EPB41L3: variants seen among roughly 807,000 people sequenced by gnomAD.
EPB41L3 encodes the protein band 4.1-like protein 3.
In EPB41L3, 57 loss-of-function variants were observed where a neutral mutation model predicts 127.1. The ratio of observed to expected loss-of-function variants is 0.45; its 90% CI spans 0.36 to 0.56. EPB41L3 has a LOEUF of 0.56. Ranked by LOEUF, EPB41L3 falls within the 20% of genes least tolerant of loss-of-function variation. The pLI, the probability that EPB41L3 is intolerant of heterozygous loss-of-function variation, is 0.00. For synonymous variants in EPB41L3, 572 were observed against 549.5 expected (o/e 1.04, Z -0.57); for missense variants, 1,273 against 1,372.2 (o/e 0.93, Z 1.14).
chr18:5,491,904 C>A (rs74946940), intron 1 of EPB41L3, among the ~76,000 whole-genome samples: 2,126 of 152,154 alleles, frequency 0.014, 43 homozygotes, highest in African/African-American at 0.049. Flanking sequence ...ACAAATAAAC[C>A]AGTATGGATG....
At chr18:5,469,108 T>C (rs2147454239) in intron 3 of EPB41L3, among the ~76,000 whole-genome samples, 1 of 152,300 alleles carries the variant, frequency 6.6e-6, no homozygotes, top group South Asian at 2.1e-4. Context: ...ACTCAGGAAC[T>C]GCTGAAAAGC....
rs2092512912 is a variant in EPB41L3 at position 5,511,409 on chromosome 18, TTTTTTTTTTTTTTGTATGTAGACCCAA to T, written c.-11-22242_-11-22216del. 2.1e-5 allele frequency among the ~76,000 whole-genome samples: 3 copies of T among 141,430 alleles called. No homozygotes were observed. In the Admixed American group the frequency reaches 2.1e-4, roughly 10 times the overall value. The allele number at this position is 141,430 out of a possible 152,430, so 92.8% of individuals were successfully genotyped here. On this transcript the variant is annotated intron_variant, in intron 1 of 22. Coordinates refer to ENST00000341928, the MANE Select transcript of EPB41L3 (RefSeq NM_012307.5). The stretch of plus-strand genomic sequence containing the variant: ...TATTTTGGTTTTTTTTTTTTTTTTT[TTTTTTTTTTTTTTGTATGTAGACCCAA>T]TTTTCCCTTAAGGGCAAAGGATCAA...
intron 1 of EPB41L3, among the ~76,000 whole-genome samples, chr18:5,625,322 A>C (rs2094910768): frequency 6.6e-6 from 1 of 151,882 alleles, no homozygotes; most frequent in South Asian, 2.1e-4. Flanking sequence ...ACTGGTGGGG[A>C]TCTGATAGAA....
At chr18:5,443,953 C>A in intron 4 of EPB41L3, 73 bp from the exon 5 acceptor site, 1 of 1,316,682 alleles carries the variant, frequency 7.6e-7, no homozygotes, top group Non-Finnish European at 1.1e-6. Context: ...TAGGTACAGA[C>A]TCTCCCTAAA....
chr18:5,519,807 T>G (rs2092913084), intron 1 of EPB41L3, among the ~76,000 whole-genome samples: 1 of 152,216 alleles, frequency 6.6e-6, no homozygotes, highest in Non-Finnish European at 1.5e-5. Flanking sequence ...TTTAGCTGAG[T>G]AGTTACTGAT....
At chr18:5,592,631 GC>G (rs747776604) in intron 3 of EPB41L3, among the ~76,000 whole-genome samples, 10 of 152,214 alleles carry the variant, frequency 6.6e-5, no homozygotes, top group Admixed American at 2.0e-4. Context: ...CACCATGTGA[GC>G]AGCAAATATG....
chr18:5,555,290 A>G (rs1442077621), intron 3 of EPB41L3, among the ~76,000 whole-genome samples: 1 of 152,124 alleles, frequency 6.6e-6, no homozygotes, highest in Non-Finnish European at 1.5e-5. Context: ...ATGTGTGTTG[A>G]CCATTGCCAA....
chr18:5,415,749 C>CA (rs2076712588), intron 13 of EPB41L3, 69 bp downstream of exon 13: 1 of 1,455,088 alleles, frequency 6.9e-7, no homozygotes, highest in Non-Finnish European at 9.3e-7. Context: ...TGGCAGCAGC[C>CA]AGCTAACACT....
chr18:5,435,500 A>G (rs2079637977), intron 6 of EPB41L3, among the ~76,000 whole-genome samples: 1 of 152,142 alleles, frequency 6.6e-6, no homozygotes, highest in Non-Finnish European at 1.5e-5. Flanking sequence ...TTGTGTTATA[A>G]TTTCCCACAG....
intron 1 of EPB41L3, among the ~76,000 whole-genome samples, chr18:5,617,215 T>A (rs994490776): frequency 1.3e-5 from 2 of 152,134 alleles, no homozygotes; most frequent in Non-Finnish European, 2.9e-5. Flanking sequence ...TAAATTCTCA[T>A]AGTGTAACAG....
At chr18:5,538,999 T>TA (rs1228312975) in intron 1 of EPB41L3, among the ~76,000 whole-genome samples, 6 of 97,518 alleles carry the variant, frequency 6.2e-5, no homozygotes, top group Non-Finnish European at 1.3e-4. Context: ...TCCAAGATTT[T>TA]TTTTTTTTTT....
At chr18:5,522,130 G>A (rs2093016953) in intron 1 of EPB41L3, among the ~76,000 whole-genome samples, 1 of 152,012 alleles carries the variant, frequency 6.6e-6, no homozygotes, top group South Asian at 2.1e-4. Flanking sequence ...TAGAGCTGGA[G>A]TCTCACTCTG....
At chr18:5,423,327 T>G in intron 11 of EPB41L3, 51 bp downstream of exon 11, 1 of 1,479,842 alleles carries the variant, frequency 6.8e-7, no homozygotes, top group East Asian at 2.3e-5. Context: ...CAGTTTCACA[T>G]TCTTTTTGGG....
intron 3 of EPB41L3, among the ~76,000 whole-genome samples, chr18:5,573,071 G>A (rs908613688): frequency 6.6e-6 from 1 of 152,136 alleles, no homozygotes; most frequent in African/African-American, 2.4e-5. Flanking sequence ...AAGTTTCTAC[G>A]GTCACGTCTA....
At position 5,608,321 on chromosome 18, in the gene EPB41L3, G is replaced by GAA. The variant is rs1568640773; in HGVS notation, c.-306+4018_-306+4019insTT. The stretch of plus-strand genomic sequence containing the variant: ...TACTGACCAAACCAGTAGGCATTAT[G>GAA]CCATACAGCTAGCAACGTATACATG... On this transcript the variant is annotated intron_variant, in intron 3 of 21. Coordinates refer to the EPB41L3 transcript ENST00000545076. 9.2e-5 allele frequency among the ~76,000 whole-genome samples: 14 copies of GAA among 151,946 alleles called. No homozygotes were observed. The East Asian group carries it at 2.7e-3, about 30-fold the overall frequency.
intron 16 of EPB41L3, among the ~76,000 whole-genome samples, chr18:5,402,284 C>T (rs56695386): frequency 0.067 from 9,753 of 145,568 alleles, 497 homozygotes; most frequent in African/African-American, 0.14. Context: ...GTTTCTTTTC[C>T]TTTTTTTTTT....
chr18:5,407,062 TTAG>T (rs2075516659), intron 15 of EPB41L3, 94 bp from the exon 16 acceptor site: 2 of 1,232,860 alleles, frequency 1.6e-6, no homozygotes, highest in Admixed American at 3.9e-5. Flanking sequence ...GTCAATCTTA[TTAG>T]TAGTCAAAAT....
intron 1 of EPB41L3, among the ~76,000 whole-genome samples, chr18:5,520,853 C>T (rs981417477): frequency 1.3e-5 from 2 of 152,174 alleles, no homozygotes; most frequent in African/African-American, 4.8e-5. Context: ...AAGGGCCTTT[C>T]AGTTTTAATA....
chr18:5,599,991 C>T (rs1348963627), intron 3 of EPB41L3, among the ~76,000 whole-genome samples: 1 of 152,086 alleles, frequency 6.6e-6, no homozygotes, highest in Non-Finnish European at 1.5e-5. Flanking sequence ...ATTTTCAAAG[C>T]TGTAAAAAGT....
Sources: gnomAD v4.1 joint callset for allele counts (sites outside exome capture counted in the v4.1 genomes callset) on GRCh38, gnomAD v4.1.1 for gene constraint, MANE v1.5 for transcripts, NCBI Gene and HGNC (gene_info 2026-07-23, HGNC 2026-07-21) for gene names.